DMD: variants seen among roughly 807,000 people sequenced by gnomAD.
DMD encodes the protein mutant dystrophin.
In DMD, 63 loss-of-function variants were observed where a neutral mutation model predicts 330.1. That is an observed-to-expected ratio of 0.19 (90% CI 0.16 to 0.24). The LOEUF (loss-of-function observed/expected upper bound fraction) is 0.24, where lower values mean the gene tolerates loss of function less well. Ranked by LOEUF, DMD falls within the 10% of genes least tolerant of loss-of-function variation. DMD has a pLI of 1.00. For missense variants in DMD, 3,344 were observed against 2,684.1 expected (o/e 1.25, Z -5.43); for synonymous variants, 1,223 against 959.8 (o/e 1.27, Z -5.07).
chrX:31,322,803 C>T (rs1284072393), intron 62 of DMD, among the ~76,000 whole-genome samples: 4 of 112,142 alleles, frequency 3.6e-5, no homozygotes, highest in Non-Finnish European at 5.6e-5. Flanking sequence ...GAAGCAAGTT[C>T]AAAGACTTCG....
chrX:33,198,553 A>C (rs1281244964), intron 1 of DMD, among the ~76,000 whole-genome samples: 1 of 111,286 alleles, frequency 9.0e-6, no homozygotes, highest in Non-Finnish European at 1.9e-5. Context: ...TGCAATCAAA[A>C]TATCATTATT....
chrX:32,654,954 C>T (rs1264766839), intron 9 of DMD, among the ~76,000 whole-genome samples: 3 of 111,880 alleles, frequency 2.7e-5, no homozygotes, highest in Non-Finnish European at 5.6e-5. Context: ...TTACAGTTTT[C>T]TCTGATGGTA....
chrX:32,990,718 C>T (rs1333855600), intron 2 of DMD, among the ~76,000 whole-genome samples: 1 of 111,488 alleles, frequency 9.0e-6, no homozygotes, highest in African/African-American at 3.3e-5. Flanking sequence ...TACTACACCC[C>T]TCTCACCTGG....
intron 2 of DMD, among the ~76,000 whole-genome samples, chrX:33,014,553 T>C (rs947811150): frequency 2.7e-5 from 3 of 111,412 alleles, no homozygotes; most frequent in African/African-American, 9.8e-5. Context: ...TCAACCAATG[T>C]AGAGAAACAA....
At chrX:32,532,186 A>G (rs1001718216) in intron 17 of DMD, among the ~76,000 whole-genome samples, 2 of 111,994 alleles carry the variant, frequency 1.8e-5, no homozygotes, top group African/African-American at 6.5e-5. Context: ...TTTGATGCTG[A>G]AAAAGACATC....
Position 32,498,369 on chromosome X carries a change from A to G in DMD, c.2380+3386T>C, listed in dbSNP as rs774161667. 5.4e-5 allele frequency among the ~76,000 whole-genome samples: 6 copies of G among 111,821 alleles called. 1 individual carries two copies. The highest frequency in any genetic ancestry group is 9.4e-5 in the Non-Finnish European group (5 of 53,072). ...AATACAGCTAAGATAGAGATAAATC[A>G]GTTAAAAATTATACCAAAATTTCAT... On this transcript the variant is annotated intron_variant, in intron 19 of 78. Coordinates refer to ENST00000357033, the MANE Select transcript of DMD (RefSeq NM_004006.3).
At chrX:31,932,299 G>T in intron 45 of DMD, 72 bp from the exon 46 acceptor site, 1 of 819,024 alleles carries the variant, frequency 1.2e-6, no homozygotes, top group Non-Finnish European at 1.8e-6. Context: ...AATGCAAACT[G>T]GGACACAAAC....
intron 51 of DMD, among the ~76,000 whole-genome samples, chrX:31,758,495 T>C (rs7050571): frequency 0.024 from 2,704 of 111,435 alleles, 86 homozygotes; most frequent in African/African-American, 0.084. Flanking sequence ...ATACGCTTTT[T>C]TGGAAGCTCT....
chrX:31,875,608 T>C (rs2093956350), intron 47 of DMD, among the ~76,000 whole-genome samples: 2 of 112,127 alleles, frequency 1.8e-5, no homozygotes, highest in South Asian at 7.3e-4. Flanking sequence ...AAGAAACTAA[T>C]ACCTTTTTGG....
At chrX:31,789,263 T>C (rs1056647039) in intron 50 of DMD, among the ~76,000 whole-genome samples, 1 of 111,593 alleles carries the variant, frequency 9.0e-6, no homozygotes, top group African/African-American at 3.2e-5. Flanking sequence ...TTTTTGCTTT[T>C]GCTACTATAG....
At chrX:31,487,261 ATT>A (rs780359409) in intron 57 of DMD, among the ~76,000 whole-genome samples, 4 of 101,042 alleles carry the variant, frequency 4.0e-5, no homozygotes, top group Admixed American at 2.1e-4. Flanking sequence ...CTGTTAACAC[ATT>A]TTTTTTTTTT....
intron 63 of DMD, among the ~76,000 whole-genome samples, chrX:31,240,352 C>G (rs1403393489): frequency 1.8e-5 from 2 of 112,021 alleles, no homozygotes; most frequent in African/African-American, 3.2e-5. Flanking sequence ...AACATAAAAA[C>G]TATACTGTTA....
At chrX:32,329,485 C>A (rs906334106) in intron 41 of DMD, among the ~76,000 whole-genome samples, 11 of 111,890 alleles carry the variant, frequency 9.8e-5, no homozygotes, top group Non-Finnish European at 2.1e-4. Context: ...TAAAGAGACC[C>A]TTTCCCATTA....
intron 45 of DMD, among the ~76,000 whole-genome samples, chrX:31,961,738 C>CA (rs1462428340): frequency 1.7e-4 from 11 of 65,455 alleles, no homozygotes; most frequent in African/African-American, 9.9e-4. Flanking sequence ...CCAAAGGAAG[C>CA]GGTTTTTTTT....
chrX:32,370,756 T>A (rs1410130209), intron 34 of DMD, among the ~76,000 whole-genome samples: 1 of 111,236 alleles, frequency 9.0e-6, no homozygotes, highest in African/African-American at 3.3e-5. Context: ...GTAATAGTTC[T>A]TATATTTTTA....
chrX:32,924,432 G>A (rs1176521115), intron 2 of DMD, among the ~76,000 whole-genome samples: 1 of 111,183 alleles, frequency 9.0e-6, no homozygotes, highest in Non-Finnish European at 1.9e-5. Context: ...GGTGCAGGTG[G>A]GAGAATCATC....
chrX:31,729,675 T>C lies in DMD; in HGVS notation c.7616A>G (p.Asn2539Ser). 6 of 1,211,598 alleles carry C rather than the reference T, an allele frequency of 5.0e-6. No homozygotes were observed. The highest frequency in any genetic ancestry group is 6.7e-6 in the Non-Finnish European group (6 of 895,425). The part of the protein sequence containing the change: ...ELITAAQNLK[N>S]KTSNQEARTI... ...TCTAGCCTCTTGATTGCTGGTCTTGTTTTTCAAATTTTGGGCAGCGGTAAT... is the reference window on the plus strand; with the variant it reads ...TCTAGCCTCTTGATTGCTGGTCTTGCTTTTCAAATTTTGGGCAGCGGTAAT... The change falls in exon 52 of 79, where the codon AAC becomes AGC. Residue 2539 changes from asparagine (N) to serine (S), a missense_variant. Physicochemically the swap from Asn to Ser is conservative, Grantham distance 46. Coordinates refer to ENST00000357033, the MANE Select transcript of DMD (RefSeq NM_004006.3).
intron 43 of DMD, among the ~76,000 whole-genome samples, chrX:32,236,378 A>C (rs190139012): frequency 1.8e-5 from 2 of 112,384 alleles, no homozygotes; most frequent in African/African-American, 6.5e-5. Flanking sequence ...AATTTCTACA[A>C]GAATGAGAGT....
In DMD at chrX:32,365,103, A is replaced by G. The variant is rs138472027; in HGVS notation, c.4942T>C (p.Leu1648=). 10 of 1,208,185 alleles carry G rather than the reference A, an allele frequency of 8.3e-6. No individual in the cohort carries two copies. The African/African-American group carries it at 1.2e-4, about 15-fold the overall frequency. The change falls in exon 35 of 79, where the codon TTG becomes CTG. Residue 1648 remains leucine, a synonymous_variant. Transcript: ENST00000357033. ...LKTVLGKKET[L]VEDKLSLLNS... ...AGAAGACTGAGTTTATCTTCCACCAACGTCTCCTTCTTGCCCAAAACTGTT... is the reference window on the plus strand; with the variant it reads ...AGAAGACTGAGTTTATCTTCCACCAGCGTCTCCTTCTTGCCCAAAACTGTT...
Sources: allele counts gnomAD v4.1 joint callset (sites outside exome capture counted in the v4.1 genomes callset), GRCh38; gene constraint gnomAD v4.1.1; transcripts MANE v1.5; gene names NCBI Gene and HGNC (gene_info 2026-07-23, HGNC 2026-07-21).